The following WDR55 variants were observed in gnomAD, a reference collection of about 807,000 sequenced individuals.
WDR55 encodes the protein WD repeat domain 55, also known as WD repeat-containing protein 55.
WDR55 carries 31 observed loss-of-function variants against 34.0 expected under a neutral mutation model. That is an observed-to-expected ratio of 0.91 (90% confidence interval 0.69 to 1.23). The LOEUF is 1.23. WDR55 is among the 50% of genes most tolerant of loss of function. The pLI is 0.00. For synonymous variants in WDR55, 164 were observed against 185.9 expected, an observed-to-expected ratio of 0.88 and a Z score of 0.96; for missense variants, 440 against 494.6, an observed-to-expected ratio of 0.89 and a Z score of 1.05.
chr5:140,669,555 G>A lies in WDR55; in HGVS notation c.1053G>A (p.Lys351=), dbSNP rs771621355. 3.1e-6 allele frequency: 5 copies of A among 1,614,168 alleles called. No individual in the cohort carries two copies. The highest frequency in any genetic ancestry group is 4.2e-6 in the Non-Finnish European group (5 of 1,180,020). The change falls in exon 7 of 7, where the codon AAG becomes AAA. Residue 351 remains lysine (K), a synonymous_variant. Coordinates refer to ENST00000358337, the MANE Select transcript of WDR55 (RefSeq NM_017706.5). ...GACCACTGCGGGCTCTGAGCAGCAA[G>A]ACTTGGAGCACCGATGACTTCTTCG... The part of the protein sequence containing the change: ...KGGPLRALSS[K]TWSTDDFFAG...
At chr5:140,666,591 T>C in intron 1 of WDR55, 1 of 984,958 alleles carries the variant, frequency 1.0e-6, no homozygotes, top group Non-Finnish European at 1.2e-6. Context: ...TAATAATGAA[T>C]GGTTGGTAAC....
chr5:140,666,289 G>T (rs998122343), intron 1 of WDR55, among the ~76,000 whole-genome samples: 2 of 151,972 alleles, frequency 1.3e-5, no homozygotes, highest in Non-Finnish European at 2.9e-5. Flanking sequence ...CCAGCTTCTC[G>T]GGAGGCTGAG....
Position 140,672,328 on chromosome 5 carries a change from A to C in WDR55, c.*2674A>C. The C allele has an allele frequency of 2.7e-6, 3 of 1,115,844 alleles. No individual in the cohort carries two copies. Among genetic ancestry groups the C allele is most frequent in the Non-Finnish European group, 3.8e-6 (3 of 782,556 alleles). 69.1% of individuals were successfully genotyped at this position (1,115,844 alleles called of 1,614,324 possible). ...TAAAAATCTGAGATCAAATAGTAAA[A>C]GGTTGCAAATTCTGGCATGTTTGAC... is the stretch of plus-strand genomic sequence containing the variant. On this transcript the variant is annotated 3_prime_UTR_variant, in exon 7 of 7. Coordinates refer to ENST00000358337, the MANE Select transcript of WDR55 (RefSeq NM_017706.5).
chr5:140,671,904 C>T lies in WDR55; in HGVS notation c.*2250C>T. 1 of 847,068 alleles carries T rather than the reference C, an allele frequency of 1.2e-6. No homozygotes were observed. The highest frequency in any genetic ancestry group is 1.5e-5 in the South Asian group (1 of 65,614). The allele number at this position is 847,068 out of a possible 1,614,324, so 52.5% of individuals were successfully genotyped here. A position where few individuals can be genotyped will look rare whatever the true frequency, so the allele number is the denominator to read the frequency against. On this transcript the variant is annotated 3_prime_UTR_variant, in exon 7 of 7. Transcript: ENST00000358337. Reference sequence around the variant, plus strand: ...TAAGAAAAGACAATGAAGCCTTCAGCCTCCATTATTTGCAAAGGGAGTATA... The same window carrying T: ...TAAGAAAAGACAATGAAGCCTTCAGTCTCCATTATTTGCAAAGGGAGTATA...
Position 140,669,624 on chromosome 5 carries a change from AAAG to A in WDR55, c.1123_1125del (p.Lys375del). 1 of 1,613,912 alleles carries A rather than the reference AAAG, an allele frequency of 6.2e-7. No homozygotes were observed. Among genetic ancestry groups the A allele is most frequent in the Non-Finnish European group, 8.5e-7 (1 of 1,179,902 alleles). ...GAGAAGACTCCATGGCTCAGGAAGA[AAAG>A]GAGGAGACTGGGGATGACAGTGACT... On this transcript the variant is annotated inframe_deletion, in exon 7 of 7. Coordinates refer to ENST00000358337, the MANE Select transcript of WDR55 (RefSeq NM_017706.5).
chr5:140,669,496 G>A lies in WDR55; in HGVS notation c.994G>A (p.Val332Met), dbSNP rs1362852944. The change falls in exon 7 of 7, where the codon GTG (valine) becomes ATG (methionine). Residue 332 changes from valine to methionine, a missense_variant. Val to Met is a conservative substitution (Grantham distance 21, BLOSUM62 1). Coordinates refer to ENST00000358337, the MANE Select transcript of WDR55 (RefSeq NM_017706.5). ...WDMAQLRAVVVDDYRRRKKKG... is the reference protein window; with the variant it reads ...WDMAQLRAVVMDDYRRRKKKG... Reference sequence around the variant, plus strand: ...CATGGCCCAGCTGCGAGCTGTGGTGGTGGATGACTACCGTCGGCGCAAAAA... The same window carrying A: ...CATGGCCCAGCTGCGAGCTGTGGTGATGGATGACTACCGTCGGCGCAAAAA... The A allele has an allele frequency of 2.5e-6, 4 of 1,614,154 alleles. No homozygotes were observed. The highest frequency in any genetic ancestry group is 1.7e-5 in the Admixed American group (1 of 60,022).
chr5:140,669,031 G>A, intron 5 of WDR55, 41 bp downstream of exon 5: 1 of 1,614,130 alleles, frequency 6.2e-7, no homozygotes, highest in Non-Finnish European at 8.5e-7. Flanking sequence ...GTGTGCTGGG[G>A]GCTTAGTCTG....
Position 140,669,810 on chromosome 5 carries a change from C to CT in WDR55, c.*157dup. On this transcript the variant is annotated 3_prime_UTR_variant, in exon 7 of 7. Transcript: ENST00000358337. ...TGGCTTGATCTTGGCTCACTGCAGCCTCAATGTCCCCAGGCTCAGATTGTC... is the reference window on the plus strand; with the variant it reads ...TGGCTTGATCTTGGCTCACTGCAGCCTTCAATGTCCCCAGGCTCAGATTGTC... 1.4e-6 allele frequency: 1 copy of CT among 718,804 alleles called. No homozygotes were observed. Among genetic ancestry groups the CT allele is most frequent in the Middle Eastern group, 3.9e-4 (1 of 2,572 alleles). The allele number at this position is 718,804 out of a possible 1,614,324, so 44.5% of individuals were successfully genotyped here. A position where few individuals can be genotyped will look rare whatever the true frequency, so the allele number is the denominator to read the frequency against.
chr5:140,666,702 TA>T (rs1383771283), intron 1 of WDR55: 1 of 985,018 alleles, frequency 1.0e-6, no homozygotes, highest in Non-Finnish European at 1.2e-6. Flanking sequence ...TTACATTATA[TA>T]TGATGCTCTG....
At chr5:140,665,541 A>G (rs1757900244) in intron 1 of WDR55, among the ~76,000 whole-genome samples, 1 of 151,848 alleles carries the variant, frequency 6.6e-6, no homozygotes, top group African/African-American at 2.4e-5. Flanking sequence ...TTGTATTTGT[A>G]GTAGAGACGG....
Position 140,671,812 on chromosome 5 carries a change from G to C in WDR55, c.*2158G>C. ...CCCTGGGCCCAAGCCTCCAGGTGGT[G>C]AGCCCTTTGGAGCTACACAGTCCTG... On this transcript the variant is annotated 3_prime_UTR_variant, in exon 7 of 7. Transcript: ENST00000358337. 6.7e-7 allele frequency: 1 copy of C among 1,500,096 alleles called. No individual in the cohort carries two copies. The highest frequency in any genetic ancestry group is 2.0e-5 in the Admixed American group (1 of 50,938). 92.9% of individuals were successfully genotyped at this position (1,500,096 alleles called of 1,614,324 possible).
Position 140,671,235 on chromosome 5 carries a change from T to C in WDR55, c.*1581T>C. On this transcript the variant is annotated 3_prime_UTR_variant, in exon 7 of 7. Coordinates refer to ENST00000358337, the MANE Select transcript of WDR55 (RefSeq NM_017706.5). Reference sequence around the variant, plus strand: ...AAGTGGCCACCCAGGCCTGCTGGGATGGGGCCTGACACAGGCTCTGCATGC... The same window carrying C: ...AAGTGGCCACCCAGGCCTGCTGGGACGGGGCCTGACACAGGCTCTGCATGC... 6.2e-7 allele frequency: 1 copy of C among 1,605,048 alleles called. No individual in the cohort carries two copies. The highest frequency in any genetic ancestry group is 2.2e-5 in the East Asian group (1 of 44,852).
rs200881271 is a variant in WDR55 at position 140,670,203 on chromosome 5, A to AT, written c.*558dup. 0.025 allele frequency: 3,774 copies of AT among 148,114 alleles called. 128 individuals carry two copies. The highest frequency in any genetic ancestry group is 0.08 in the African/African-American group (3,156 of 39,574). 9.2% of individuals were successfully genotyped at this position (148,114 alleles called of 1,614,324 possible). The stretch of plus-strand genomic sequence containing the variant: ...CCACCATGCTTGACTAATTTTTGTG[A>AT]TTTTTTTTTGGTAGAGACCAGGGGT... On this transcript the variant is annotated 3_prime_UTR_variant, in exon 7 of 7. Transcript: ENST00000358337.
intron 4 of WDR55, 32 bp from the exon 5 acceptor site, chr5:140,668,859 T>C (rs759402131): frequency 1.2e-6 from 2 of 1,614,070 alleles, no homozygotes; most frequent in Non-Finnish European, 8.5e-7. Flanking sequence ...AAATAGACCT[T>C]GCGTCTAAGC....
chr5:140,669,116 C>A lies in WDR55; in HGVS notation c.698C>A (p.Thr233Asn). ...GTAGCCTGTGGCTCCAGTGAAGGTA[C>A]CATCTACCTCTTCAATTGGAATGGC... ...KKVACGSSEG[T>N]IYLFNWNGFG... The change falls in exon 6 of 7, where the codon ACC becomes AAC. Residue 233 changes from threonine (T) to asparagine (N), a missense_variant. Transcript: ENST00000358337. 1 of 1,614,180 alleles carries A rather than the reference C, an allele frequency of 6.2e-7. No individual in the cohort carries two copies. Among genetic ancestry groups the A allele is most frequent in the Non-Finnish European group, 8.5e-7 (1 of 1,180,036 alleles).
rs754224591 is a variant in WDR55, at chr5:140,671,319, C to G, written c.*1665C>G. On this transcript the variant is annotated 3_prime_UTR_variant, in exon 7 of 7. Transcript: ENST00000358337. ...CACTGTTTAACCATGGTACCTGCCT[C>G]AGCCCCAGCAGACCACAGGAGGTTG... 6.2e-7 allele frequency: 1 copy of G among 1,612,940 alleles called. No homozygotes were observed. Among genetic ancestry groups the G allele is most frequent in the Non-Finnish European group, 8.5e-7 (1 of 1,179,976 alleles).
chr5:140,670,592 A>C lies in WDR55; in HGVS notation c.*938A>C, dbSNP rs989769425. On this transcript the variant is annotated 3_prime_UTR_variant, in exon 7 of 7. Transcript: ENST00000358337. ...TCGAACTCCTGACCTCAGGTGATCC[A>C]CCCGCCTCAGCCTCCCAAAGTGCTG... The C allele has an allele frequency of 6.7e-6, 1 of 149,892 alleles. No individual in the cohort carries two copies. The highest frequency in any genetic ancestry group is 2.5e-5 in the African/African-American group (1 of 40,294). 9.3% of individuals were successfully genotyped at this position (149,892 alleles called of 1,614,324 possible).
chr5:140,668,029 GAACT>G (rs1757963904), intron 1 of WDR55: 1 of 516,422 alleles, frequency 1.9e-6, no homozygotes, highest in African/African-American at 1.9e-5. Flanking sequence ...AATATACCTT[GAACT>G]AACATATATT....
rs1325990513 is a variant in WDR55 at position 140,670,264 on chromosome 5, G to A, written c.*610G>A. ...TGACCAAGCTGGTCTTGGAACTCCT[G>A]GGCTCAAGTGATCCTCCTGCCTTGG... On this transcript the variant is annotated 3_prime_UTR_variant, in exon 7 of 7. Coordinates refer to ENST00000358337, the MANE Select transcript of WDR55 (RefSeq NM_017706.5). 2 of 152,250 alleles carry A rather than the reference G, an allele frequency of 1.3e-5. No individual in the cohort carries two copies. The highest frequency in any genetic ancestry group is 4.8e-5 in the African/African-American group (2 of 41,358). 9.4% of individuals were successfully genotyped at this position (152,250 alleles called of 1,614,324 possible).
Sources: gnomAD v4.1 joint callset for allele counts (sites outside exome capture counted in the v4.1 genomes callset) on GRCh38, gnomAD v4.1.1 for gene constraint, MANE v1.5 for transcripts, NCBI Gene and HGNC (gene_info 2026-07-23, HGNC 2026-07-21) for gene names.